IGDCC4: variants seen among roughly 807,000 people sequenced by gnomAD.
The protein encoded by IGDCC4 is likely ortholog of mouse neighbor of Punc E11.
IGDCC4 carries 72 observed loss-of-function variants against 116.6 expected under a neutral mutation model. The observed-to-expected ratio is 0.62, with a 90% CI of 0.51 to 0.75. The LOEUF (loss-of-function observed/expected upper bound fraction) is 0.75, where lower values mean the gene tolerates loss of function less well. IGDCC4 is among the 30% of genes least tolerant of loss of function. IGDCC4 has a pLI of 0.00. For synonymous variants in IGDCC4, 709 were observed against 719.9 expected (o/e 0.98, Z 0.24); for missense variants, 1,501 against 1,662.4 (o/e 0.90, Z 1.69).
rs2062876903 is a variant in IGDCC4, at chr15:65,392,389, G to A, written c.1886-19C>T. ...AAAGGGACTGGGGGGCAGAGGAGCA[G>A]GATGGGAAAATTAAGGAACAGAATG... is the stretch of plus-strand genomic sequence containing the variant. On this transcript the variant is annotated intron_variant, in intron 10 of 19. Coordinates refer to ENST00000352385, the MANE Select transcript of IGDCC4 (RefSeq NM_020962.3). 4.0e-6 allele frequency: 6 copies of A among 1,484,902 alleles called. No individual in the cohort carries two copies. The highest frequency in any genetic ancestry group is 4.5e-6 in the Non-Finnish European group (5 of 1,111,900). The allele number at this position is 1,484,902 out of a possible 1,614,324, so 92.0% of individuals were successfully genotyped here.
At chr15:65,416,297 C>A (rs1447515205) in intron 1 of IGDCC4, among the ~76,000 whole-genome samples, 1 of 151,874 alleles carries the variant, frequency 6.6e-6, no homozygotes, top group African/African-American at 2.4e-5. Context: ...GCCACCATAC[C>A]CAGCTAATTT....
intron 11 of IGDCC4, 55 bp from the exon 12 acceptor site, chr15:65,392,036 G>T: frequency 6.4e-7 from 1 of 1,554,106 alleles, no homozygotes. Context: ...TCACTCTCCC[G>T]TCCACAGAGA....
In IGDCC4 at chr15:65,410,272, T is replaced by C. The variant is rs748770988; in HGVS notation, c.469A>G (p.Asn157Asp). 2 of 1,613,706 alleles carry C rather than the reference T, an allele frequency of 1.2e-6. No individual in the cohort carries two copies. The highest frequency in any genetic ancestry group is 2.7e-5 in the African/African-American group (2 of 74,806). The change falls in exon 3 of 20, where the codon AAC (asparagine) becomes GAC (aspartate). Residue 157 changes from asparagine (N) to aspartate (D), a missense_variant. Asn to Asp is a conservative substitution (Grantham distance 23). Around this residue, in one of 3 missense-constraint regions of IGDCC4, gnomAD observed 898 missense variants for 978.9 expected, o/e 0.92. Coordinates refer to ENST00000352385, the MANE Select transcript of IGDCC4 (RefSeq NM_020962.3). The stretch of plus-strand genomic sequence containing the variant: ...TGGCACTCAAAGCGAGCTGTCCCGT[T>C]CTCCTCCACCGTCTGAGACTCCGGG... ...LHPESQTVEE[N>D]GTARFECHIE...
intron 17 of IGDCC4, 68 bp downstream of exon 17, chr15:65,386,483 G>T: frequency 7.4e-7 from 1 of 1,358,222 alleles, no homozygotes; most frequent in Non-Finnish European, 1.0e-6. Context: ...CACTTTCCCT[G>T]ATGGCCCATT....
intron 5 of IGDCC4, among the ~76,000 whole-genome samples, chr15:65,400,570 C>T (rs558901214): frequency 7.9e-5 from 12 of 152,298 alleles, no homozygotes; most frequent in African/African-American, 2.9e-4. Context: ...CTGTAAGTGG[C>T]AGCTTGGAAG....
Position 65,396,084 on chromosome 15 carries a change from C to T in IGDCC4, c.1077G>A (p.Ser359=). 1 of 1,384,692 alleles carries T rather than the reference C, an allele frequency of 7.2e-7. No individual in the cohort carries two copies. Among genetic ancestry groups the T allele is most frequent in the Non-Finnish European group, 9.3e-7 (1 of 1,077,036 alleles). 85.8% of individuals were successfully genotyped at this position (1,384,692 alleles called of 1,614,324 possible). A position where few individuals can be genotyped will look rare whatever the true frequency, so the allele number is the denominator to read the frequency against. ...ASTARFVCRA[S]GEPRPALRWL... is the part of the protein sequence containing the mutation. ...AGCGCAGCGCTGGCCGCGGCTCCCC[C>T]GACGCGCGGCACACGAAGCGCGCTG... The change falls in exon 7 of 20, where the codon TCG becomes TCA. Residue 359 remains serine (S), a synonymous_variant. Coordinates refer to ENST00000352385, the MANE Select transcript of IGDCC4 (RefSeq NM_020962.3).
chr15:65,401,870 G>A (rs566384808), intron 4 of IGDCC4, among the ~76,000 whole-genome samples: 13 of 152,320 alleles, frequency 8.5e-5, no homozygotes, highest in African/African-American at 3.1e-4. Context: ...ACTGGGGCAA[G>A]AGCTTTTCAA....
rs1305119918 is a variant in IGDCC4 at position 65,382,631 on chromosome 15, ATGACT to A, written c.*1373_*1377del. On this transcript the variant is annotated 3_prime_UTR_variant, in exon 20 of 20. Coordinates refer to ENST00000352385, the MANE Select transcript of IGDCC4 (RefSeq NM_020962.3). ...TCCCTGTGCGGCAGGTGAACAGAAA[ATGACT>A]TGAGGATTCAATTTAAAGAAAAAAC... is the stretch of plus-strand genomic sequence containing the variant. 6.6e-6 allele frequency: 1 copy of A among 152,438 alleles called. No homozygotes were observed. The highest frequency in any genetic ancestry group is 1.5e-5 in the Non-Finnish European group (1 of 68,028). 9.4% of individuals were successfully genotyped at this position (152,438 alleles called of 1,614,324 possible).
intron 9 of IGDCC4, 116 bp downstream of exon 9, chr15:65,394,295 C>T: frequency 6.6e-7 from 1 of 1,512,750 alleles, no homozygotes; most frequent in Non-Finnish European, 9.0e-7. Context: ...TTCCCCAACC[C>T]CTACTCTGCT....
chr15:65,393,521 G>C lies in IGDCC4; in HGVS notation c.1725C>G (p.Phe575Leu), dbSNP rs2140202221. 1 of 1,599,882 alleles carries C rather than the reference G, an allele frequency of 6.3e-7. No homozygotes were observed. Among genetic ancestry groups the C allele is most frequent in the Middle Eastern group, 1.7e-4 (1 of 6,016 alleles). ...EYGLGKEDQI[F>L]STEVRGNETQ... is the part of the protein sequence containing the mutation. Reference sequence around the variant, plus strand: ...TCTCATTTCCTCGCACCTCAGTAGAGAAAATCTGATCTGCAGGGACAGAAA... The same window carrying C: ...TCTCATTTCCTCGCACCTCAGTAGACAAAATCTGATCTGCAGGGACAGAAA... Residue 575 changes from phenylalanine (F) to leucine (L), a missense_variant, in exon 10 of 20, where the codon TTC (phenylalanine) becomes TTG (leucine). Transcript: ENST00000352385. The surrounding 1 kb of genome is among the most constrained non-coding windows in gnomAD (Gnocchi z 4.6).
intron 3 of IGDCC4, 69 bp from the exon 4 acceptor site, chr15:65,402,556 G>A: frequency 6.6e-7 from 1 of 1,521,578 alleles, no homozygotes; most frequent in South Asian, 1.2e-5. Context: ...CTCATGGTAA[G>A]ATAAATGCAA....
At chr15:65,398,697 C>T (rs1158051464) in intron 5 of IGDCC4, among the ~76,000 whole-genome samples, 1 of 151,934 alleles carries the variant, frequency 6.6e-6, no homozygotes, top group Non-Finnish European at 1.5e-5. Context: ...GGAGACCATC[C>T]TGGCTGACAC....
chr15:65,407,263 T>G (rs1310887868), intron 3 of IGDCC4, among the ~76,000 whole-genome samples: 1 of 150,108 alleles, frequency 6.7e-6, no homozygotes, highest in Non-Finnish European at 1.5e-5. Flanking sequence ...AAATTAAAAT[T>G]GCAACATAAT....
intron 3 of IGDCC4, among the ~76,000 whole-genome samples, chr15:65,409,860 TG>T (rs1403477390): frequency 1.3e-5 from 2 of 152,164 alleles, no homozygotes; most frequent in Non-Finnish European, 2.9e-5. Context: ...TGGTACGGCT[TG>T]GGATAAGCCA....
intron 1 of IGDCC4, among the ~76,000 whole-genome samples, chr15:65,418,513 A>T (rs1039702480): frequency 6.6e-5 from 10 of 152,254 alleles, no homozygotes; most frequent in African/African-American, 2.2e-4. Context: ...CAAGGACCCC[A>T]TGGGCCCCCA....
chr15:65,386,512 G>A (rs2091460151), intron 17 of IGDCC4, 39 bp downstream of exon 17: 3 of 1,528,510 alleles, frequency 2.0e-6, no homozygotes, highest in East Asian at 2.3e-5. Context: ...CTTCCTGGAA[G>A]TCTCCCTTCC....
Position 65,395,904 on chromosome 15 carries a change from C to G in IGDCC4, c.1257G>C (p.Ser419=). The part of the protein sequence containing the change: ...NSAGMACAAA[S]LAVVVREGLP... ...GCCCCTCGCGCACCACCACGGCCAG[C>G]GACGCGGCAGCGCACGCCATTCCCG... Residue 419 remains serine, a synonymous_variant, in exon 7 of 20, where the codon TCG becomes TCC. Transcript: ENST00000352385. 6.3e-7 allele frequency: 1 copy of G among 1,589,468 alleles called. No individual in the cohort carries two copies. Among genetic ancestry groups the G allele is most frequent in the Non-Finnish European group, 8.5e-7 (1 of 1,174,862 alleles).
Position 65,411,093 on chromosome 15 carries a change from T to C in IGDCC4, c.348A>G (p.Glu116=). 1 of 1,614,200 alleles carries C rather than the reference T, an allele frequency of 6.2e-7. No homozygotes were observed. Among genetic ancestry groups the C allele is most frequent in the Non-Finnish European group, 8.5e-7 (1 of 1,180,032 alleles). Residue 116 remains glutamate (E), a synonymous_variant, in exon 2 of 20, where the codon GAA becomes GAG. Transcript: ENST00000352385. ...CGTGGGCTAGGCACGAATAGTTGCC[T>C]TCAATGACCCCCACAGCCTCAGGGA... ...ESVPEAVGVI[E]GNYSCLAHGP... is the part of the protein sequence containing the mutation.
intron 10 of IGDCC4, among the ~76,000 whole-genome samples, 198 bp from the exon 11 acceptor site, chr15:65,392,568 G>T (rs1302612791): frequency 6.6e-6 from 1 of 152,216 alleles, no homozygotes; most frequent in East Asian, 1.9e-4. Flanking sequence ...GCTTGGTCTA[G>T]AGGTGAACTC....
Sources: gnomAD v4.1 joint callset for allele counts (sites outside exome capture counted in the v4.1 genomes callset) on GRCh38, gnomAD v4.1.1 for gene constraint, gnomAD v4.1.1 regional missense constraint, Gnocchi (gnomAD v3.1) non-coding constraint, MANE v1.5 for transcripts, NCBI Gene and HGNC (gene_info 2026-07-23, HGNC 2026-07-21) for gene names.